The following GRID2 variants were observed in gnomAD, a reference collection of about 807,000 sequenced individuals.
GRID2 encodes glutamate ionotropic receptor delta type subunit 2, also known as glutamate receptor ionotropic, delta-2.
Under a neutral mutation model 114.8 loss-of-function variants are expected in GRID2, and 33 were observed. The ratio of observed to expected loss-of-function variants is 0.29; its 90% CI spans 0.22 to 0.38. The LOEUF (loss-of-function observed/expected upper bound fraction) is 0.38. Among genes scored for constraint, GRID2 ranks in the 10% least tolerant of loss-of-function variants. The pLI is 1.00. For missense variants in GRID2, 1,184 were observed against 1,257.7 expected, an observed-to-expected ratio of 0.94 and a Z score of 0.89; for synonymous variants, 505 against 449.9, an observed-to-expected ratio of 1.12 and a Z score of -1.55.
chr4:92,893,414 T>C (rs1328163812), intron 2 of GRID2, among the ~76,000 whole-genome samples: 1 of 152,160 alleles, frequency 6.6e-6, no homozygotes, highest in East Asian at 1.9e-4. Context: ...TAGGAAGGTA[T>C]CTGGATTGAC....
At chr4:93,197,105 A>G (rs1050809634) in intron 4 of GRID2, among the ~76,000 whole-genome samples, 2 of 152,160 alleles carry the variant, frequency 1.3e-5, no homozygotes, top group African/African-American at 4.8e-5. Flanking sequence ...CTCTTTCTCT[A>G]TCAGTTATAC....
Position 93,374,266 on chromosome 4 carries a change from T to G in GRID2, c.1246-21341T>G, listed in dbSNP as rs186956226. Among the ~76,000 whole-genome samples, 166 of 152,306 alleles carry G rather than the reference T, an allele frequency of 1.1e-3. 1 individual carries two copies. Among genetic ancestry groups the G allele is most frequent in the Non-Finnish European group, 2.1e-3 (140 of 68,016 alleles). ...TGCAATCAGTATGGCATGTTTTGAT[T>G]AAACACTTCACAATTTCAAAATCAG... On this transcript the variant is annotated intron_variant, in intron 8 of 15. Coordinates refer to ENST00000282020, the MANE Select transcript of GRID2 (RefSeq NM_001510.4).
At chr4:93,115,398 T>TATAGACACACACACACACAC (rs1217656948) in intron 4 of GRID2, among the ~76,000 whole-genome samples, 1 of 63,502 alleles carries the variant, frequency 1.6e-5, no homozygotes, top group African/African-American at 5.6e-5. Context: ...TCCAAGTATA[T>TATAGACACACACACACACAC]ACAGACACAC....
intron 2 of GRID2, among the ~76,000 whole-genome samples, chr4:92,873,048 T>G (rs1745386393): frequency 6.6e-6 from 1 of 152,162 alleles, no homozygotes; most frequent in African/African-American, 2.4e-5. Flanking sequence ...AAATATAGTA[T>G]TATAATAGTA....
intron 8 of GRID2, among the ~76,000 whole-genome samples, chr4:93,252,040 C>T (rs1003306876): frequency 2.6e-5 from 4 of 152,064 alleles, no homozygotes; most frequent in Admixed American, 2.6e-4. Context: ...GTCTTTAGGA[C>T]TTTCAGGAAT....
chr4:93,652,010 T>C (rs1259525143), intron 14 of GRID2, among the ~76,000 whole-genome samples: 1 of 152,162 alleles, frequency 6.6e-6, no homozygotes, highest in African/African-American at 2.4e-5. Flanking sequence ...CTAGTGGAAT[T>C]GATACTGGAA....
intron 2 of GRID2, among the ~76,000 whole-genome samples, chr4:92,617,780 A>G (rs189871475): frequency 2.6e-5 from 4 of 151,704 alleles, no homozygotes; most frequent in East Asian, 1.9e-4. Context: ...ATTTTTTTGT[A>G]TACTTGCTAG....
chr4:92,670,542 C>G (rs945561128), intron 2 of GRID2, among the ~76,000 whole-genome samples: 1 of 151,964 alleles, frequency 6.6e-6, no homozygotes, highest in East Asian at 1.9e-4. Flanking sequence ...ATACTACTTA[C>G]TTTATAAGGT....
intron 2 of GRID2, among the ~76,000 whole-genome samples, chr4:93,045,047 T>C (rs1269406969): frequency 6.6e-6 from 1 of 152,110 alleles, no homozygotes; most frequent in African/African-American, 2.4e-5. Flanking sequence ...GTGTTATATT[T>C]TTGTGTAGGC....
At chr4:93,418,628 G>C (rs1767957988) in intron 9 of GRID2, among the ~76,000 whole-genome samples, 2 of 151,640 alleles carry the variant, frequency 1.3e-5, no homozygotes, top group African/African-American at 4.8e-5. Flanking sequence ...TTATTATGTT[G>C]GTGCAAAAGT....
chr4:93,759,835 G>C (rs1320760734), intron 14 of GRID2, among the ~76,000 whole-genome samples: 1 of 152,184 alleles, frequency 6.6e-6, no homozygotes, highest in African/African-American at 2.4e-5. Flanking sequence ...TGTTAGCCAA[G>C]GGACTTGAGT....
chr4:93,225,421 C>G (rs1042323815), intron 7 of GRID2, among the ~76,000 whole-genome samples: 6 of 152,150 alleles, frequency 3.9e-5, no homozygotes, highest in Non-Finnish European at 5.9e-5. Flanking sequence ...TTTGTCATGT[C>G]ATCCTTCTTG....
chr4:93,307,938 GAT>G (rs1755606231), intron 8 of GRID2, among the ~76,000 whole-genome samples: 2 of 146,076 alleles, frequency 1.4e-5, no homozygotes, highest in African/African-American at 5.6e-5. Context: ...ATTTCTTTCT[GAT>G]TTTTTTTTTT....
intron 1 of GRID2, among the ~76,000 whole-genome samples, chr4:92,589,886 C>T (rs1000257011): frequency 6.6e-6 from 1 of 152,078 alleles, no homozygotes; most frequent in African/African-American, 2.4e-5. Context: ...ATTATGTTTT[C>T]TTCCCCATGA....
intron 2 of GRID2, among the ~76,000 whole-genome samples, chr4:92,766,917 T>A (rs867073635): frequency 1.9e-4 from 29 of 152,340 alleles, no homozygotes; most frequent in Middle Eastern, 3.4e-3. Context: ...TGTGAATTAG[T>A]AGAAGGGAAC....
chr4:93,111,351 T>C (rs1279108347), intron 4 of GRID2, among the ~76,000 whole-genome samples: 3 of 152,198 alleles, frequency 2.0e-5, no homozygotes, highest in South Asian at 4.1e-4. Flanking sequence ...CAGGACATTA[T>C]TGCCTAAACA....
chr4:92,616,789 G>A (rs752629267), intron 2 of GRID2, among the ~76,000 whole-genome samples: 4 of 151,204 alleles, frequency 2.6e-5, no homozygotes, highest in Non-Finnish European at 4.4e-5. Context: ...TAGCATATTA[G>A]GTTTGCAATC....
At chr4:93,288,038 C>T (rs1376437376) in intron 8 of GRID2, among the ~76,000 whole-genome samples, 1 of 152,162 alleles carries the variant, frequency 6.6e-6, no homozygotes, top group Non-Finnish European at 1.5e-5. Context: ...AAATTATCCC[C>T]ACACATCAAT....
chr4:92,882,501 T>C (rs1448784283), intron 2 of GRID2, among the ~76,000 whole-genome samples: 1 of 149,630 alleles, frequency 6.7e-6, no homozygotes, highest in African/African-American at 2.4e-5. Context: ...GGCTCTCTCA[T>C]TTTTTTTTTA....
Sources: gnomAD v4.1 joint callset for allele counts (sites outside exome capture counted in the v4.1 genomes callset) on GRCh38, gnomAD v4.1.1 for gene constraint, MANE v1.5 for transcripts, NCBI Gene and HGNC (gene_info 2026-07-23, HGNC 2026-07-21) for gene names.